The following CLEC16A variants were observed in gnomAD, a reference collection of about 807,000 sequenced individuals.
The protein encoded by CLEC16A is protein CLEC16A.
Under a neutral mutation model 109.5 loss-of-function variants are expected in CLEC16A, and 51 were observed. The observed-to-expected ratio is 0.47, with a 90% CI of 0.37 to 0.59. CLEC16A has a LOEUF of 0.59. Among genes scored for constraint, CLEC16A ranks in the 20% least tolerant of loss-of-function variants. The pLI is 0.00. For missense variants in CLEC16A, 1,339 were observed against 1,394.0 expected (o/e 0.96, Z 0.63); for synonymous variants, 673 against 564.2 (o/e 1.19, Z -2.73).
chr16:11,143,105 C>T lies in CLEC16A; in HGVS notation c.2641+16959C>T, dbSNP rs200016910. On this transcript the variant is annotated intron_variant, in intron 22 of 23. Coordinates refer to ENST00000409790, the MANE Select transcript of CLEC16A (RefSeq NM_015226.3). ...GGGATTACAGGCATGACCCACTGTG[C>T]CCGGCCTATCCAGTAAACATTTATT... Among the ~76,000 whole-genome samples, 4 of 152,240 alleles carry T rather than the reference C, an allele frequency of 2.6e-5. No homozygotes were observed. The East Asian group carries it at 7.7e-4, about 29-fold the overall frequency.
At chr16:11,043,974 C>G (rs2152860252) in intron 15 of CLEC16A, 54 bp from the exon 16 acceptor site, 2 of 1,467,292 alleles carry the variant, frequency 1.4e-6, no homozygotes, top group Non-Finnish European at 1.9e-6. Context: ...GTTTGCCCGA[C>G]TTGCTCACCT....
chr16:10,977,639 G>A (rs556412600), intron 8 of CLEC16A, among the ~76,000 whole-genome samples: 10 of 152,098 alleles, frequency 6.6e-5, no homozygotes, highest in Admixed American at 2.0e-4. Flanking sequence ...TCAGCCTCCC[G>A]AGTAGCTGGG....
intron 1 of CLEC16A, among the ~76,000 whole-genome samples, chr16:10,945,049 A>C (rs2041279789): frequency 6.6e-6 from 1 of 152,146 alleles, no homozygotes; most frequent in Non-Finnish European, 1.5e-5. Flanking sequence ...CTGTAAAGCG[A>C]GAGGATGCGA....
intron 22 of CLEC16A, among the ~76,000 whole-genome samples, chr16:11,140,771 A>T (rs1044532286): frequency 3.3e-5 from 5 of 152,186 alleles, no homozygotes; most frequent in Admixed American, 1.3e-4. Flanking sequence ...AGCCCTGCCG[A>T]GGAAGCCATT....
chr16:10,972,924 G>A lies in CLEC16A; in HGVS notation c.605-14G>A, dbSNP rs74697461. The A allele has an allele frequency of 6.5e-7, 1 of 1,549,722 alleles. No individual in the cohort carries two copies. Among genetic ancestry groups the A allele is most frequent in the Non-Finnish European group, 8.7e-7 (1 of 1,153,662 alleles). On this transcript the variant is annotated splice_polypyrimidine_tract_variant and intron_variant, in intron 6 of 23. Transcript: ENST00000409790. ...GGTAGCTTGACTTTTTTTTTCTTCT[G>A]TGAATTTTCTCAGTGGATAACCAGG...
Position 10,971,195 on chromosome 16 carries a change from T to A in CLEC16A, c.563T>A (p.Ile188Asn). 6.2e-7 allele frequency: 1 copy of A among 1,613,670 alleles called. No homozygotes were observed. Among genetic ancestry groups the A allele is most frequent in the Non-Finnish European group, 8.5e-7 (1 of 1,179,594 alleles). ...FFNHPESMVR[I>N]AVRTITLNVY... ...AACCACCCTGAAAGCATGGTTAGAA[T>A]TGCTGTAAGAACCATAACTTTGAAT... is the stretch of plus-strand genomic sequence containing the variant. The change falls in exon 5 of 24, where the codon ATT (isoleucine) becomes AAT (asparagine). Residue 188 changes from isoleucine (I) to asparagine (N), a missense_variant. By Grantham distance (149) the Ile-to-Asn change is moderately radical (BLOSUM62 -3). This residue lies in a region of CLEC16A where 161 missense variants were observed against 267.1 expected (regional missense o/e 0.60). Transcript: ENST00000409790.
At chr16:11,029,974 G>A (rs556108147) in intron 13 of CLEC16A, among the ~76,000 whole-genome samples, 27 of 152,196 alleles carry the variant, frequency 1.8e-4, no homozygotes, top group African/African-American at 6.5e-4. Context: ...TATAAACAGA[G>A]TCATGCAACA....
intron 19 of CLEC16A, 115 bp downstream of exon 19, chr16:11,061,137 A>G (rs1033291107): frequency 3.8e-5 from 47 of 1,245,274 alleles, no homozygotes; most frequent in Middle Eastern, 2.9e-4. Context: ...ATTTTGTACT[A>G]TTATTGAGCT....
intron 23 of CLEC16A, among the ~76,000 whole-genome samples, chr16:11,175,346 A>C (rs2068703668): frequency 6.6e-6 from 1 of 152,166 alleles, no homozygotes; most frequent in Non-Finnish European, 1.5e-5. Context: ...CTGTCTCCCC[A>C]GCCCGTGGCC....
In CLEC16A at chr16:11,126,967, C is replaced by T. The variant is rs527780001; in HGVS notation, c.2641+821C>T. 2.6e-5 allele frequency among the ~76,000 whole-genome samples: 4 copies of T among 152,318 alleles called. No individual in the cohort carries two copies. The East Asian group carries it at 7.7e-4, about 29-fold the overall frequency. On this transcript the variant is annotated intron_variant, in intron 22 of 23. Transcript: ENST00000409790. ...CGCAGCCATAGGAACCTGCTCAAAACCCGAGTCCTGGTTCCCCCATGTGAT... is the reference window on the plus strand; with the variant it reads ...CGCAGCCATAGGAACCTGCTCAAAATCCGAGTCCTGGTTCCCCCATGTGAT...
At chr16:11,026,589 C>T (rs1330440233) in intron 13 of CLEC16A, among the ~76,000 whole-genome samples, 1 of 148,392 alleles carries the variant, frequency 6.7e-6, no homozygotes, top group Admixed American at 6.7e-5. Context: ...TATTGCTACC[C>T]TCTATTGTTC....
intron 19 of CLEC16A, among the ~76,000 whole-genome samples, chr16:11,088,802 G>T (rs2050148312): frequency 6.6e-6 from 1 of 152,232 alleles, no homozygotes; most frequent in Non-Finnish European, 1.5e-5. Context: ...CGCCGTCCTG[G>T]GCTGAGTCGG....
intron 22 of CLEC16A, chr16:11,157,283 A>G: frequency 8.6e-7 from 1 of 1,161,568 alleles, no homozygotes; most frequent in South Asian, 1.7e-5. Context: ...GTGGCAGCTC[A>G]GGCTTGGCCC....
At chr16:10,984,139 G>T (rs1315940880) in intron 10 of CLEC16A, among the ~76,000 whole-genome samples, 1 of 152,154 alleles carries the variant, frequency 6.6e-6, no homozygotes, top group Non-Finnish European at 1.5e-5. Context: ...TAGATTTGCT[G>T]CCCCACCTAC....
intron 19 of CLEC16A, among the ~76,000 whole-genome samples, chr16:11,068,924 C>T (rs1454387406): frequency 1.3e-5 from 2 of 152,082 alleles, no homozygotes; most frequent in Admixed American, 6.5e-5. Flanking sequence ...AAGCAATTCT[C>T]ATGTGTCAGC....
intron 19 of CLEC16A, among the ~76,000 whole-genome samples, chr16:11,082,903 C>A (rs1004429820): frequency 2.0e-5 from 3 of 152,158 alleles, no homozygotes; most frequent in African/African-American, 7.2e-5. Flanking sequence ...CTTCTCCATC[C>A]AGTTAGGGAG....
chr16:11,028,300 C>T (rs952752580), intron 13 of CLEC16A, among the ~76,000 whole-genome samples: 8 of 152,178 alleles, frequency 5.3e-5, no homozygotes, highest in Non-Finnish European at 1.2e-4. Flanking sequence ...GGTGCTGCGT[C>T]GTCTGAAATC....
Position 11,123,800 on chromosome 16 carries a change from A to G in CLEC16A, c.2327A>G (p.Lys776Arg), listed in dbSNP as rs2052604402. 6.2e-7 allele frequency: 1 copy of G among 1,613,900 alleles called. No homozygotes were observed. Among genetic ancestry groups the G allele is most frequent in the East Asian group, 2.2e-5 (1 of 44,898 alleles). The change falls in exon 21 of 24, where the codon AAG becomes AGG. Residue 776 changes from lysine to arginine, a missense_variant. By Grantham distance (26) the Lys-to-Arg change is conservative (BLOSUM62 2). Transcript: ENST00000409790. The part of the protein sequence containing the change: ...DSRALNITIH[K>R]PASSPHSKPF... ...CGTGCCCTGAACATCACCATCCACAAGCCTGCGTCCAGCCCCCATTCCAAG... is the reference window on the plus strand; with the variant it reads ...CGTGCCCTGAACATCACCATCCACAGGCCTGCGTCCAGCCCCCATTCCAAG...
At chr16:11,108,257 G>A (rs2051344133) in intron 19 of CLEC16A, among the ~76,000 whole-genome samples, 1 of 152,244 alleles carries the variant, frequency 6.6e-6, no homozygotes, top group South Asian at 2.1e-4. Flanking sequence ...TGCATGCCAG[G>A]AAGAGAAACT....
Sources: allele counts gnomAD v4.1 joint callset (sites outside exome capture counted in the v4.1 genomes callset), GRCh38; gene constraint gnomAD v4.1.1; regional missense constraint gnomAD v4.1.1; transcripts MANE v1.5; gene names NCBI Gene and HGNC (gene_info 2026-07-23, HGNC 2026-07-21).